The following EFCAB14 variants were observed in gnomAD, a reference collection of about 807,000 sequenced individuals.
The protein encoded by EFCAB14 is EF-hand calcium binding domain 14.
In EFCAB14, 43 loss-of-function variants were observed where a neutral mutation model predicts 56.5. The ratio of observed to expected loss-of-function variants is 0.76; its 90% CI spans 0.60 to 0.98. The LOEUF is 0.98. EFCAB14 is among the 50% of genes least tolerant of loss of function. The probability of loss-of-function intolerance (pLI) is 0.00; values close to 1 mark genes in which losing one functional copy is unlikely to be tolerated. For missense variants in EFCAB14, 538 were observed against 580.3 expected, an observed-to-expected ratio of 0.93 and a Z score of 0.75; for synonymous variants, 235 against 212.9, an observed-to-expected ratio of 1.10 and a Z score of -0.90.
intron 5 of EFCAB14, 78 bp from the exon 6 acceptor site, chr1:46,689,769 C>T: frequency 8.0e-7 from 1 of 1,249,562 alleles, no homozygotes; most frequent in Non-Finnish European, 1.2e-6. Context: ...TGTCCTAGAA[C>T]ATTCTAGCCT....
intron 3 of EFCAB14, among the ~76,000 whole-genome samples, chr1:46,698,919 A>T (rs116376934): frequency 6.5e-4 from 99 of 152,308 alleles, no homozygotes; most frequent in African/African-American, 2.3e-3. Context: ...AGAAATGGAG[A>T]GACCAGTAAG....
At chr1:46,714,299 A>G (rs1418016431) in intron 2 of EFCAB14, among the ~76,000 whole-genome samples, 1 of 152,146 alleles carries the variant, frequency 6.6e-6, no homozygotes, top group Non-Finnish European at 1.5e-5. Flanking sequence ...TATGACCTTG[A>G]GAAAGCCTTG....
At chr1:46,716,568 G>A (rs1677398510) in intron 1 of EFCAB14, 125 bp from the exon 2 acceptor site, 1 of 1,108,832 alleles carries the variant, frequency 9.0e-7, no homozygotes, top group Admixed American at 2.4e-5. Context: ...ATTAACCAGG[G>A]GAGGCAGGGT....
At chr1:46,691,792 G>A (rs1676996234) in intron 5 of EFCAB14, 35 bp downstream of exon 5, 2 of 1,528,274 alleles carry the variant, frequency 1.3e-6, no homozygotes, top group South Asian at 1.1e-5. Context: ...AAAAAAGGGT[G>A]AGCAGGAGCA....
intron 4 of EFCAB14, among the ~76,000 whole-genome samples, chr1:46,692,314 C>T (rs1340038914): frequency 1.3e-5 from 2 of 152,230 alleles, no homozygotes; most frequent in East Asian, 1.9e-4. Context: ...AGCAGCATTC[C>T]ATTGTGTGGC....
intron 3 of EFCAB14, among the ~76,000 whole-genome samples, chr1:46,707,026 T>C (rs906877618): frequency 2.0e-5 from 3 of 152,234 alleles, no homozygotes; most frequent in Non-Finnish European, 1.5e-5. Flanking sequence ...TCCTGGACCA[T>C]TGCTGAAAGG....
chr1:46,694,239 A>G (rs1320182017), intron 4 of EFCAB14, among the ~76,000 whole-genome samples: 1 of 152,242 alleles, frequency 6.6e-6, no homozygotes, highest in African/African-American at 2.4e-5. Flanking sequence ...GGATCTAACT[A>G]AACTAAAGAG....
Position 46,678,641 on chromosome 1 carries a change from C to T in EFCAB14, c.1313-5G>A, listed in dbSNP as rs762896938. ...TGCGGAATAAATCCTGAAGATCTGT[C>T]AAAAATGAATTACAAAAAATGTATA... On this transcript the variant is annotated splice_region_variant and splice_polypyrimidine_tract_variant and intron_variant, in intron 10 of 10. Transcript: ENST00000371933. 1 of 1,598,576 alleles carries T rather than the reference C, an allele frequency of 6.3e-7. No homozygotes were observed. The highest frequency in any genetic ancestry group is 1.1e-5 in the South Asian group (1 of 89,594).
intron 2 of EFCAB14, among the ~76,000 whole-genome samples, chr1:46,711,891 G>A (rs916464498): frequency 5.9e-5 from 9 of 152,062 alleles, no homozygotes; most frequent in Non-Finnish European, 1.2e-4. Context: ...TCCCTGCACC[G>A]GCACTAGTAT....
At chr1:46,708,972 G>A (rs565776166) in intron 2 of EFCAB14, among the ~76,000 whole-genome samples, 8 of 145,912 alleles carry the variant, frequency 5.5e-5, no homozygotes, top group South Asian at 2.2e-4. Context: ...GCCACAGACC[G>A]CCTTAGTTAT....
intron 4 of EFCAB14, among the ~76,000 whole-genome samples, chr1:46,692,420 A>C (rs555950652): frequency 6.6e-6 from 1 of 152,360 alleles, no homozygotes; most frequent in South Asian, 2.1e-4. Flanking sequence ...ATTCGTGTTC[A>C]GGTCTTCATG....
intron 2 of EFCAB14, among the ~76,000 whole-genome samples, chr1:46,714,931 T>A (rs1677364630): frequency 6.6e-6 from 1 of 152,148 alleles, no homozygotes; most frequent in Non-Finnish European, 1.5e-5. Flanking sequence ...AACTCACTCA[T>A]GAGATAAACA....
intron 2 of EFCAB14, among the ~76,000 whole-genome samples, chr1:46,712,274 G>A (rs566863293): frequency 6.6e-6 from 1 of 152,290 alleles, no homozygotes; most frequent in South Asian, 2.1e-4. Flanking sequence ...AGAAAAGGAG[G>A]TGCCTGATTT....
intron 2 of EFCAB14, among the ~76,000 whole-genome samples, chr1:46,714,801 CAA>C (rs529413592): frequency 1.6e-4 from 14 of 86,690 alleles, no homozygotes; most frequent in Non-Finnish European, 1.4e-4. Flanking sequence ...GACCTTATCT[CAA>C]AAAAAAAAAA....
At chr1:46,712,206 C>A (rs1473632446) in intron 2 of EFCAB14, among the ~76,000 whole-genome samples, 1 of 152,212 alleles carries the variant, frequency 6.6e-6, no homozygotes, top group Non-Finnish European at 1.5e-5. Context: ...CTCGTTAGCA[C>A]AAGACCATCT....
Position 46,688,525 on chromosome 1 carries a change from T to C in EFCAB14, c.815A>G (p.Asn272Ser), listed in dbSNP as rs1481500501. ...NLKQDILYLH[N>S]SLEEVNSALV... ...GGCACTGTTTACCTCCTCTAAAGAG[T>C]TGTGAAGGTACAGGATATCCTAGAG... Residue 272 changes from asparagine (N) to serine (S), a missense_variant, in exon 7 of 11, where the codon AAC (asparagine) becomes AGC (serine). Physicochemically the swap from Asn to Ser is conservative, Grantham distance 46 (BLOSUM62 1). Coordinates refer to ENST00000371933, the MANE Select transcript of EFCAB14 (RefSeq NM_014774.3). The C allele has an allele frequency of 6.2e-7, 1 of 1,613,120 alleles. No individual in the cohort carries two copies. Among genetic ancestry groups the C allele is most frequent in the Non-Finnish European group, 8.5e-7 (1 of 1,179,592 alleles).
intron 9 of EFCAB14, 26 bp from the exon 10 acceptor site, chr1:46,683,451 T>C: frequency 6.2e-7 from 1 of 1,607,292 alleles, no homozygotes; most frequent in Non-Finnish European, 8.5e-7. Flanking sequence ...AAGGTTTTAT[T>C]TAGTATTATT....
intron 3 of EFCAB14, among the ~76,000 whole-genome samples, chr1:46,704,816 A>G (rs1378262167): frequency 6.6e-6 from 1 of 152,220 alleles, no homozygotes; most frequent in Non-Finnish European, 1.5e-5. Context: ...ATAAAACAGA[A>G]AAGTAAATTA....
At chr1:46,681,463 G>A (rs1256027955) in intron 10 of EFCAB14, among the ~76,000 whole-genome samples, 2 of 152,188 alleles carry the variant, frequency 1.3e-5, no homozygotes, top group Non-Finnish European at 2.9e-5. Context: ...ATAGCTTGAA[G>A]GGAGGGAAAA....
Sources: allele counts gnomAD v4.1 joint callset (sites outside exome capture counted in the v4.1 genomes callset), GRCh38; gene constraint gnomAD v4.1.1; transcripts MANE v1.5; gene names NCBI Gene and HGNC (gene_info 2026-07-23, HGNC 2026-07-21).